The following LIN37 variants were observed in gnomAD, a reference collection of about 807,000 sequenced individuals.
The protein encoded by LIN37 is protein lin-37 homolog.
Under a neutral mutation model 38.0 loss-of-function variants are expected in LIN37, and 21 were observed. The ratio of observed to expected loss-of-function variants is 0.55; its 90% CI spans 0.39 to 0.80. The LOEUF is 0.80. LIN37 is among the 30% of genes least tolerant of loss of function. The pLI is 0.00. For missense variants in LIN37, 273 were observed against 338.5 expected, an observed-to-expected ratio of 0.81 and a Z score of 1.52; for synonymous variants, 126 against 122.9, an observed-to-expected ratio of 1.03 and a Z score of -0.17.
intron 1 of LIN37, 151 bp downstream of exon 1, chr19:35,748,909 C>G: frequency 6.4e-7 from 1 of 1,558,268 alleles, no homozygotes; most frequent in Non-Finnish European, 8.7e-7. Context: ...GCGTTGCCTG[C>G]CACCTTCACA....
rs565378421 is a variant in LIN37 at position 35,750,722 on chromosome 19, G to A, written c.35-1454G>A. On this transcript the variant is annotated intron_variant, in intron 1 of 8. Transcript: ENST00000301159. ...TTCTGCCTGTAATCCAGCACTTTGG[G>A]AGGCTGAGGCAGGTGGATCATGAGG... Among the ~76,000 whole-genome samples, 3 of 152,326 alleles carry A rather than the reference G, an allele frequency of 2.0e-5. No individual in the cohort carries two copies. In the South Asian group the frequency reaches 6.2e-4, roughly 32 times the overall value.
intron 1 of LIN37, among the ~76,000 whole-genome samples, chr19:35,749,816 A>AAG (rs1555739417): frequency 3.9e-4 from 36 of 91,946 alleles, no homozygotes; most frequent in African/African-American, 6.3e-4. Context: ...AAAAAAAAAA[A>AAG]AAAGAAAGGA....
chr19:35,753,272 C>T lies in LIN37; in HGVS notation c.444+19C>T. On this transcript the variant is annotated intron_variant, in intron 6 of 8. Coordinates refer to ENST00000301159, the MANE Select transcript of LIN37 (RefSeq NM_019104.3). ...TGAGGAGGTGGGATGGGTAGTGGGT[C>T]CCAGCCCAGCAGCCTGGTGCCAGGG... 6.5e-7 allele frequency: 1 copy of T among 1,543,050 alleles called. No homozygotes were observed. The highest frequency in any genetic ancestry group is 1.2e-5 in the South Asian group (1 of 84,070).
At chr19:35,752,099 C>T in intron 1 of LIN37, 77 bp from the exon 2 acceptor site, 1 of 1,145,318 alleles carries the variant, frequency 8.7e-7, no homozygotes, top group Non-Finnish European at 1.3e-6. Context: ...GACACGCACG[C>T]CCTTCCCTGG....
rs1355475206 is a variant in LIN37 at position 35,754,467 on chromosome 19, G to A, written c.734G>A (p.Arg245Gln). The change falls in exon 9 of 9, where the codon CGA becomes CAA. Residue 245 changes from arginine (R) to glutamine (Q), a missense_variant. By Grantham distance (43) the Arg-to-Gln change is conservative. Transcript: ENST00000301159. ...AAGATCCTACGAGAGATGTACGAAC[G>A]ACAGTGATGTTCCCAGGTCCCCCCA... ...SMKILREMYE[R>Q]Q The A allele has an allele frequency of 9.3e-6, 15 of 1,613,806 alleles. No homozygotes were observed. Among genetic ancestry groups the A allele is most frequent in the African/African-American group, 1.3e-5 (1 of 74,920 alleles).
intron 1 of LIN37, among the ~76,000 whole-genome samples, chr19:35,749,810 A>AG (rs1970656723): frequency 8.0e-6 from 1 of 124,812 alleles, no homozygotes; most frequent in African/African-American, 3.7e-5. Context: ...GTCTCAAAAA[A>AG]AAAAAAAAAG....
chr19:35,749,683 T>A (rs1227872101), intron 1 of LIN37, among the ~76,000 whole-genome samples: 1 of 148,716 alleles, frequency 6.7e-6, no homozygotes, highest in Non-Finnish European at 1.5e-5. Flanking sequence ...CACAAGCCTG[T>A]AGTCCCAGCT....
In LIN37 at chr19:35,748,658, C is replaced by G. The variant is rs1970634439; in HGVS notation, c.-67C>G. 1.9e-6 allele frequency: 3 copies of G among 1,608,908 alleles called. No individual in the cohort carries two copies. Among genetic ancestry groups the G allele is most frequent in the Non-Finnish European group, 2.6e-6 (3 of 1,175,392 alleles). Reference sequence around the variant, plus strand: ...TTGAACTGTCCCCGCCTTCTCCCGCCTTGACTTGTGACCCTAGGCCCTTTG... The same window carrying G: ...TTGAACTGTCCCCGCCTTCTCCCGCGTTGACTTGTGACCCTAGGCCCTTTG... On this transcript the variant is annotated 5_prime_UTR_variant, in exon 1 of 9. Transcript: ENST00000301159.
chr19:35,752,746 G>T, intron 3 of LIN37, 58 bp from the exon 4 acceptor site: 1 of 1,583,996 alleles, frequency 6.3e-7, no homozygotes. Flanking sequence ...TCCCCAGGGT[G>T]CCCTCTGCAG....
chr19:35,749,021 GA>G, intron 1 of LIN37: 1 of 1,276,802 alleles, frequency 7.8e-7, no homozygotes, highest in East Asian at 3.4e-5. Context: ...GTAACTCTGA[GA>G]AGGGCCCTTT....
Position 35,754,003 on chromosome 19 carries a change from C to T in LIN37, c.445-14C>T. On this transcript the variant is annotated splice_polypyrimidine_tract_variant and intron_variant, in intron 6 of 8. Coordinates refer to ENST00000301159, the MANE Select transcript of LIN37 (RefSeq NM_019104.3). ...GACTCTCTTGGGCCTGGCATGGGGC[C>T]CTTGTGTCCCCAGGGCTCAGAGGTA... 1 of 1,611,030 alleles carries T rather than the reference C, an allele frequency of 6.2e-7. No homozygotes were observed. Among genetic ancestry groups the T allele is most frequent in the Non-Finnish European group, 8.5e-7 (1 of 1,178,152 alleles).
At chr19:35,750,147 G>C (rs1268041693) in intron 1 of LIN37, among the ~76,000 whole-genome samples, 2 of 152,064 alleles carry the variant, frequency 1.3e-5, no homozygotes, top group Non-Finnish European at 2.9e-5. Flanking sequence ...GACAGGCCAT[G>C]GGGTTGGTGG....
chr19:35,754,096 C>T lies in LIN37; in HGVS notation c.524C>T (p.Ala175Val), dbSNP rs764009561. 3 of 1,613,982 alleles carry T rather than the reference C, an allele frequency of 1.9e-6. No individual in the cohort carries two copies. In the South Asian group the frequency reaches 3.3e-5, roughly 18 times the overall value. Residue 175 changes from alanine to valine, a missense_variant, in exon 7 of 9, where the codon GCC (alanine) becomes GTC (valine). Physicochemically the swap from Ala to Val is moderately conservative, Grantham distance 64. Transcript: ENST00000301159. ...PPTPPGPPGD[A>V]CRSRIPSPLQ... is the part of the protein sequence containing the mutation. ...ACACCCCCGGGGCCACCCGGAGATG[C>T]CTGCAGATCCCGCATCCCATCTCCA... is the stretch of plus-strand genomic sequence containing the variant.
intron 6 of LIN37, 101 bp downstream of exon 6, chr19:35,753,354 C>A: frequency 7.5e-7 from 1 of 1,339,888 alleles, no homozygotes; most frequent in Non-Finnish European, 1.0e-6. Context: ...TAGACAGACA[C>A]AGGTCCCTCA....
At chr19:35,748,983 G>A (rs1599734982) in intron 1 of LIN37, 2 of 1,405,644 alleles carry the variant, frequency 1.4e-6, no homozygotes, top group Non-Finnish European at 1.9e-6. Context: ...AATGACGTGC[G>A]TGGTAGGACA....
intron 6 of LIN37, chr19:35,753,684 T>C (rs2146528160): frequency 2.0e-6 from 1 of 498,636 alleles, no homozygotes; most frequent in East Asian, 3.7e-5. Context: ...CCTTCAGACA[T>C]ATAGGACTGT....
intron 3 of LIN37, 33 bp from the exon 4 acceptor site, chr19:35,752,771 G>T (rs778785046): frequency 6.2e-7 from 1 of 1,605,870 alleles, no homozygotes; most frequent in Non-Finnish European, 8.5e-7. Flanking sequence ...TTGCACAGGC[G>T]TTTGTCTGAG....
At chr19:35,749,121 G>A in intron 1 of LIN37, 1 of 472,528 alleles carries the variant, frequency 2.1e-6, no homozygotes, top group South Asian at 5.1e-5. Flanking sequence ...TCGAACTCCT[G>A]GTCTCAAGCG....
chr19:35,751,271 A>G (rs1266864175), intron 1 of LIN37, among the ~76,000 whole-genome samples: 1 of 152,092 alleles, frequency 6.6e-6, no homozygotes, highest in Admixed American at 6.5e-5. Context: ...CAGTGAGCCA[A>G]GATTATGCCA....
Sources: gnomAD v4.1 joint callset for allele counts (sites outside exome capture counted in the v4.1 genomes callset) on GRCh38, gnomAD v4.1.1 for gene constraint, MANE v1.5 for transcripts, NCBI Gene and HGNC (gene_info 2026-07-23, HGNC 2026-07-21) for gene names.